ARHGEF26: variants seen among roughly 807,000 people sequenced by gnomAD.
ARHGEF26 encodes the protein Rho guanine nucleotide exchange factor (GEF) 26.
Under a neutral mutation model 89.4 loss-of-function variants are expected in ARHGEF26, and 59 were observed. The ratio of observed to expected loss-of-function variants is 0.66; its 90% CI spans 0.54 to 0.82. The LOEUF (loss-of-function observed/expected upper bound fraction) is 0.82. ARHGEF26 is among the 40% of genes least tolerant of loss of function. The probability of loss-of-function intolerance (pLI) is 0.00; values close to 1 mark genes in which losing one functional copy is unlikely to be tolerated. For synonymous variants in ARHGEF26, 500 were observed against 428.4 expected (o/e 1.17, Z -2.06); for missense variants, 1,234 against 1,085.6 (o/e 1.14, Z -1.92).
rs183943524 is a variant in ARHGEF26, at chr3:154,122,158, G to C, written c.166G>C (p.Gly56Arg). Residue 56 changes from glycine (G) to arginine (R), a missense_variant, in exon 2 of 15, where the codon GGA (glycine) becomes CGA (arginine). By Grantham distance (125) the Gly-to-Arg change is moderately radical. Transcript: ENST00000465093. Reference protein sequence around the residue: ...LLITDFPVEDGGTLLAAQIPA... With the variant: ...LLITDFPVEDRGTLLAAQIPA... ...AATTACGGATTTCCCGGTGGAGGAC[G>C]GAGGGACGCTCCTCGCAGCGCAGAT... 383 of 1,600,764 alleles carry C rather than the reference G, an allele frequency of 2.4e-4. 1 individual carries two copies. In the African/African-American group the frequency reaches 4.4e-3, roughly 19 times the overall value.
chr3:154,253,364 A>T (rs1718281832), intron 13 of ARHGEF26, among the ~76,000 whole-genome samples, 181 bp downstream of exon 13: 1 of 152,258 alleles, frequency 6.6e-6, no homozygotes, highest in South Asian at 2.1e-4. Context: ...TCTGAATTCA[A>T]ATCCAAGGTG....
chr3:154,143,082 T>C (rs1719481053), intron 4 of ARHGEF26, among the ~76,000 whole-genome samples: 1 of 152,202 alleles, frequency 6.6e-6, no homozygotes, highest in South Asian at 2.1e-4. Context: ...TGTTTCTTTT[T>C]TGGGAGAGGA....
At chr3:154,197,033 T>TGAAA in intron 9 of ARHGEF26, among the ~76,000 whole-genome samples, 1 of 152,176 alleles carries the variant, frequency 6.6e-6, no homozygotes, top group Non-Finnish European at 1.5e-5. Flanking sequence ...GCATCTCTTG[T>TGAAA]TCACTTGATT....
chr3:154,172,750 C>T (rs901870904), intron 6 of ARHGEF26, among the ~76,000 whole-genome samples: 1 of 152,128 alleles, frequency 6.6e-6, no homozygotes, highest in Non-Finnish European at 1.5e-5. Context: ...AGAACAGATA[C>T]ATTCATTCTA....
intron 11 of ARHGEF26, among the ~76,000 whole-genome samples, chr3:154,236,226 G>A (rs911260655): frequency 6.6e-6 from 1 of 152,034 alleles, no homozygotes; most frequent in African/African-American, 2.4e-5. Context: ...TCTTTATTTT[G>A]TTAAAAACAA....
intron 6 of ARHGEF26, among the ~76,000 whole-genome samples, chr3:154,172,555 G>A (rs976787711): frequency 1.3e-5 from 2 of 152,146 alleles, no homozygotes; most frequent in East Asian, 1.9e-4. Context: ...TTAGCTGGGC[G>A]TGGTGGTGTG....
chr3:154,216,560 T>C (rs1221191190), intron 9 of ARHGEF26, among the ~76,000 whole-genome samples: 1 of 146,526 alleles, frequency 6.8e-6, no homozygotes, highest in African/African-American at 2.5e-5. Flanking sequence ...ATACTTTAAG[T>C]TTTAGGGTAC....
At position 154,256,732 on chromosome 3, in the gene ARHGEF26, GA is replaced by G. The variant is rs1718542295; in HGVS notation, c.*1261del. On this transcript the variant is annotated 3_prime_UTR_variant, in exon 15 of 15. Transcript: ENST00000465093. Reference sequence around the variant, plus strand: ...AAAATTAGGCCTTAAAAGATACCAAGAAGTCAGCATGGTACCCAATTGAAAC... The same window carrying G: ...AAAATTAGGCCTTAAAAGATACCAAGAGTCAGCATGGTACCCAATTGAAAC... The G allele has an allele frequency of 7.3e-7, 1 of 1,376,730 alleles. No homozygotes were observed. 85.3% of individuals were successfully genotyped at this position (1,376,730 alleles called of 1,614,324 possible).
chr3:154,241,286 AT>A (rs1385615929), intron 12 of ARHGEF26, among the ~76,000 whole-genome samples: 1 of 152,152 alleles, frequency 6.6e-6, no homozygotes, highest in Admixed American at 6.5e-5. Flanking sequence ...ATGGGCAGAT[AT>A]TATATTGGGT....
chr3:154,124,619 A>G (rs1718217487), intron 3 of ARHGEF26, among the ~76,000 whole-genome samples, 170 bp downstream of exon 3: 1 of 152,090 alleles, frequency 6.6e-6, no homozygotes, highest in Non-Finnish European at 1.5e-5. Context: ...ATCTAGTAAT[A>G]CTAATGGTGA....
chr3:154,168,753 A>G (rs1712214157), intron 6 of ARHGEF26, among the ~76,000 whole-genome samples: 1 of 152,198 alleles, frequency 6.6e-6, no homozygotes, highest in Admixed American at 6.5e-5. Flanking sequence ...ATACAGGCAA[A>G]TAAAAATGGT....
intron 9 of ARHGEF26, 69 bp downstream of exon 9, chr3:154,194,787 CTTGGCT>C: frequency 1.5e-6 from 2 of 1,373,072 alleles, no homozygotes; most frequent in Non-Finnish European, 2.0e-6. Flanking sequence ...CAAAGTGTGT[CTTGGCT>C]TGATGCTGAA....
chr3:154,237,927 G>A (rs1717221071), intron 11 of ARHGEF26, among the ~76,000 whole-genome samples: 1 of 152,182 alleles, frequency 6.6e-6, no homozygotes, highest in Non-Finnish European at 1.5e-5. Flanking sequence ...AAGGGGCAGA[G>A]AGAAAATAGT....
At chr3:154,137,178 C>T (rs1231073662) in intron 4 of ARHGEF26, among the ~76,000 whole-genome samples, 1 of 152,154 alleles carries the variant, frequency 6.6e-6, no homozygotes, top group Non-Finnish European at 1.5e-5. Context: ...AGGGCTCTGC[C>T]TGCGTGAATA....
intron 5 of ARHGEF26, among the ~76,000 whole-genome samples, chr3:154,151,749 T>C (rs980851854): frequency 6.6e-5 from 10 of 152,128 alleles, no homozygotes; most frequent in African/African-American, 2.2e-4. Flanking sequence ...ATTTATAAAA[T>C]ATGGAGCACC....
intron 6 of ARHGEF26, among the ~76,000 whole-genome samples, chr3:154,163,110 A>G (rs1042917289): frequency 1.1e-4 from 16 of 152,146 alleles, no homozygotes; most frequent in South Asian, 2.1e-4. Context: ...ATGTATATCT[A>G]GCTTACATTT....
chr3:154,131,180 AGTGGTGGGAGCTGT>A (rs1366547101), intron 4 of ARHGEF26, among the ~76,000 whole-genome samples: 1 of 152,114 alleles, frequency 6.6e-6, no homozygotes, highest in Non-Finnish European at 1.5e-5. Context: ...GGTGATAGGG[AGTGGTGGGAGCTGT>A]GGTGAACAGG....
rs139998265 is a variant in ARHGEF26 at position 154,239,616 on chromosome 3, C to T, written c.2091-754C>T. Reference sequence around the variant, plus strand: ...AGAATGTGAAGGGAGGGTTCAGAGACGAGGCCAAGTATTTAGAAGACTTTA... The same window carrying T: ...AGAATGTGAAGGGAGGGTTCAGAGATGAGGCCAAGTATTTAGAAGACTTTA... On this transcript the variant is annotated intron_variant, in intron 11 of 14. Coordinates refer to ENST00000465093, the MANE Select transcript of ARHGEF26 (RefSeq NM_015595.4). 2.0e-3 allele frequency among the ~76,000 whole-genome samples: 306 copies of T among 152,004 alleles called. 1 individual carries two copies. The highest frequency in any genetic ancestry group is 6.8e-4 in the Non-Finnish European group (46 of 67,996).
At chr3:154,142,065 A>G (rs1328194989) in intron 4 of ARHGEF26, among the ~76,000 whole-genome samples, 1 of 152,246 alleles carries the variant, frequency 6.6e-6, no homozygotes, top group African/African-American at 2.4e-5. Flanking sequence ...ACAGAATGCC[A>G]AAGTGAATGA....
Sources: allele counts gnomAD v4.1 joint callset (sites outside exome capture counted in the v4.1 genomes callset), GRCh38; gene constraint gnomAD v4.1.1; transcripts MANE v1.5; gene names NCBI Gene and HGNC (gene_info 2026-07-23, HGNC 2026-07-21).